NASP: variants seen among roughly 807,000 people sequenced by gnomAD.
The protein encoded by NASP is NASP histone chaperone.
Under a neutral mutation model 89.5 loss-of-function variants are expected in NASP, and 24 were observed. That is an observed-to-expected ratio of 0.27 (90% CI 0.19 to 0.38). NASP has a LOEUF of 0.38. NASP is among the 10% of genes least tolerant of loss of function. NASP has a pLI of 1.00. For synonymous variants in NASP, 306 were observed against 324.7 expected, an observed-to-expected ratio of 0.94 and a Z score of 0.62; for missense variants, 848 against 921.4, an observed-to-expected ratio of 0.92 and a Z score of 1.03.
chr1:45,592,070 A>T (rs970780491), intron 2 of NASP, among the ~76,000 whole-genome samples: 2 of 151,928 alleles, frequency 1.3e-5, no homozygotes. Context: ...TCACTGCAAC[A>T]TCTGCCTCCT....
chr1:45,606,962 T>C (rs1643917266), intron 5 of NASP, among the ~76,000 whole-genome samples: 1 of 152,234 alleles, frequency 6.6e-6, no homozygotes, highest in Admixed American at 6.5e-5. Flanking sequence ...TTTAGAGCCC[T>C]TGTACATTTT....
intron 5 of NASP, 152 bp downstream of exon 5, chr1:45,606,743 A>G (rs543106099): frequency 2.0e-6 from 1 of 499,286 alleles, no homozygotes; most frequent in East Asian, 3.3e-5. Context: ...CAGTGGGGAT[A>G]GCTGTTTACT....
At position 45,608,108 on chromosome 1, in the gene NASP, A is replaced by C; in HGVS notation, c.1197A>C (p.Glu399Asp). Residue 399 changes from glutamate to aspartate, a missense_variant, in exon 6 of 15, where the codon GAA becomes GAC. By Grantham distance (45) the Glu-to-Asp change is conservative. Around this residue, in one of 5 missense-constraint regions of NASP, gnomAD observed 464 missense variants for 469.4 expected, o/e 0.99. Coordinates refer to ENST00000350030, the MANE Select transcript of NASP (RefSeq NM_002482.4). The stretch of plus-strand genomic sequence containing the variant: ...CTATTGAACCACAGACTTCTATAGA[A>C]AGACTGACAGAAACAAAAGATGGCT... ...QTPIEPQTSIERLTETKDGSG... is the reference protein window; with the variant it reads ...QTPIEPQTSIDRLTETKDGSG... The C allele has an allele frequency of 6.2e-7, 1 of 1,614,024 alleles. No individual in the cohort carries two copies. Among genetic ancestry groups the C allele is most frequent in the South Asian group, 1.1e-5 (1 of 91,074 alleles).
At chr1:45,599,360 G>A (rs1340270193) in intron 2 of NASP, among the ~76,000 whole-genome samples, 2 of 152,062 alleles carry the variant, frequency 1.3e-5, no homozygotes, top group Non-Finnish European at 2.9e-5. Flanking sequence ...TCCCACCTTC[G>A]CCTCCCAAAG....
chr1:45,618,288 A>C lies in NASP; in HGVS notation c.*147A>C. On this transcript the variant is annotated 3_prime_UTR_variant, in exon 15 of 15. Coordinates refer to ENST00000350030, the MANE Select transcript of NASP (RefSeq NM_002482.4). ...GGTTTTTTTCTTAATTATTGGCTGA[A>C]TCTGCCTTGGAGCACTGCTGGTTTT... 1.5e-6 allele frequency: 1 copy of C among 655,842 alleles called. No homozygotes were observed. Among genetic ancestry groups the C allele is most frequent in the South Asian group, 1.9e-5 (1 of 51,738 alleles). 40.6% of individuals were successfully genotyped at this position (655,842 alleles called of 1,614,324 possible).
intron 1 of NASP, among the ~76,000 whole-genome samples, chr1:45,584,456 G>T (rs1044593287): frequency 6.6e-6 from 1 of 152,192 alleles, no homozygotes. Context: ...CGGGGGCAGC[G>T]GCGGCTGTAT....
At chr1:45,595,268 C>T (rs1643668155) in intron 2 of NASP, among the ~76,000 whole-genome samples, 1 of 151,644 alleles carries the variant, frequency 6.6e-6, no homozygotes, top group African/African-American at 2.4e-5. Flanking sequence ...CCTTAGCCTC[C>T]TGAGTTGTTG....
intron 7 of NASP, among the ~76,000 whole-genome samples, chr1:45,613,684 C>T (rs1644055478): frequency 6.6e-6 from 1 of 152,134 alleles, no homozygotes; most frequent in African/African-American, 2.4e-5. Flanking sequence ...AGACGGCTGT[C>T]TTGCTGTGCT....
In NASP at chr1:45,607,672, G is replaced by A. The variant is rs746326050; in HGVS notation, c.761G>A (p.Cys254Tyr). ...SVSGTDVQEE[C>Y]REKGGQEKQG... ...TCTGGAACTGATGTCCAAGAAGAGT[G>A]CAGAGAAAAAGGAGGTCAGGAGAAG... is the stretch of plus-strand genomic sequence containing the variant. The change falls in exon 6 of 15, where the codon TGC (cysteine) becomes TAC (tyrosine). Residue 254 changes from cysteine (C) to tyrosine (Y), a missense_variant. This residue lies in a region of NASP where 464 missense variants were observed against 469.4 expected (regional missense o/e 0.99). Coordinates refer to ENST00000350030, the MANE Select transcript of NASP (RefSeq NM_002482.4). The A allele has an allele frequency of 8.1e-6, 13 of 1,614,078 alleles. No homozygotes were observed. The East Asian group carries it at 8.9e-5, about 11-fold the overall frequency.
At chr1:45,599,511 T>C (rs1643782831) in intron 2 of NASP, among the ~76,000 whole-genome samples, 1 of 152,130 alleles carries the variant, frequency 6.6e-6, no homozygotes, top group Admixed American at 6.5e-5. Flanking sequence ...CACTGCAACC[T>C]CTGCCTCCCT....
At chr1:45,616,087 C>T (rs956659748) in intron 11 of NASP, among the ~76,000 whole-genome samples, 3 of 152,168 alleles carry the variant, frequency 2.0e-5, no homozygotes, top group African/African-American at 4.8e-5. Flanking sequence ...CTGTTTTTGG[C>T]ACAGACCTTT....
intron 5 of NASP, 197 bp downstream of exon 5, chr1:45,606,788 T>A: frequency 2.2e-6 from 1 of 453,438 alleles, no homozygotes. Flanking sequence ...GAGAATAACT[T>A]ATTTTCTCAA....
rs1165367751 is a variant in NASP at position 45,607,977 on chromosome 1, G to A, written c.1066G>A (p.Ala356Thr). Residue 356 changes from alanine (A) to threonine (T), a missense_variant, in exon 6 of 15, where the codon GCT becomes ACT. By Grantham distance (58) the Ala-to-Thr change is moderately conservative. Transcript: ENST00000350030. Reference protein sequence around the residue: ...EVTTEAAEASAVEAGSEVSEK... With the variant: ...EVTTEAAEASTVEAGSEVSEK... ...GACAACAGAGGCTGCAGAGGCCTCA[G>A]CTGTAGAGGCTGGATCAGAAGTCTC... The A allele has an allele frequency of 6.2e-7, 1 of 1,614,122 alleles. No homozygotes were observed. Among genetic ancestry groups the A allele is most frequent in the East Asian group, 2.2e-5 (1 of 44,880 alleles).
At chr1:45,616,517 C>G (rs1644107859) in intron 12 of NASP, 109 bp from the exon 13 acceptor site, 1 of 1,492,626 alleles carries the variant, frequency 6.7e-7, no homozygotes, top group East Asian at 2.3e-5. Flanking sequence ...TCAACACTAG[C>G]TTGGGCAACA....
At chr1:45,612,418 A>C (rs1644031040) in intron 6 of NASP, 1 of 152,184 alleles carries the variant, frequency 6.6e-6, no homozygotes, top group Non-Finnish European at 1.5e-5. Flanking sequence ...GCTTATTTTA[A>C]TCACTTAACA....
chr1:45,588,967 GTT>G (rs1643440412), intron 1 of NASP: 1 of 169,634 alleles, frequency 5.9e-6, no homozygotes, highest in Non-Finnish European at 1.3e-5. Context: ...GTGTTTGTTT[GTT>G]TGTTTGTTTG....
At chr1:45,584,715 C>T (rs925092737) in intron 1 of NASP, among the ~76,000 whole-genome samples, 3 of 152,034 alleles carry the variant, frequency 2.0e-5, no homozygotes, top group African/African-American at 7.2e-5. Flanking sequence ...GGGTTTTGCG[C>T]GCGTGCGTTC....
chr1:45,586,287 GTGTGTGTGTGT>G (rs747726608), intron 1 of NASP, among the ~76,000 whole-genome samples: 5,927 of 75,956 alleles, frequency 0.078, 171 homozygotes, highest in Non-Finnish European at 0.1. Context: ...TGTGTGTGGT[GTGTGTGTGTGT>G]GTGTGTGTGT....
At chr1:45,593,534 C>T (rs200555694) in intron 2 of NASP, among the ~76,000 whole-genome samples, 26 of 127,310 alleles carry the variant, frequency 2.0e-4, no homozygotes, top group East Asian at 1.8e-3. Flanking sequence ...CTGTCCCCCC[C>T]CAAAAAAAAA....
Sources: allele counts gnomAD v4.1 joint callset (sites outside exome capture counted in the v4.1 genomes callset), GRCh38; gene constraint gnomAD v4.1.1; regional missense constraint gnomAD v4.1.1; transcripts MANE v1.5; gene names NCBI Gene and HGNC (gene_info 2026-07-23, HGNC 2026-07-21).